GABRB1: variants seen among roughly 807,000 people sequenced by gnomAD.
GABRB1 encodes the protein gamma-aminobutyric acid receptor subunit beta-1.
A neutral mutation model predicts 51.6 loss-of-function variants in GABRB1; 17 were observed. That is an observed-to-expected ratio of 0.33 (90% CI 0.23 to 0.49). The LOEUF (loss-of-function observed/expected upper bound fraction) is 0.49. GABRB1 is among the 20% of genes least tolerant of loss of function. The pLI is 0.99. For synonymous variants in GABRB1, 247 were observed against 218.9 expected, an observed-to-expected ratio of 1.13 and a Z score of -1.14; for missense variants, 410 against 600.6, an observed-to-expected ratio of 0.68 and a Z score of 3.32.
At chr4:47,268,467 GT>G (rs928199093) in intron 4 of GABRB1, among the ~76,000 whole-genome samples, 5 of 152,018 alleles carry the variant, frequency 3.3e-5, no homozygotes, top group African/African-American at 1.2e-4. Context: ...AAATCTTTTA[GT>G]TTTTTTCCTA....
upstream of GABRB1, among the ~76,000 whole-genome samples, chr4:47,027,615 A>G (rs1043602024): frequency 6.6e-6 from 1 of 151,646 alleles, no homozygotes; most frequent in African/African-American, 2.4e-5. Flanking sequence ...AAGTGGTGCC[A>G]TTCCTATTAA....
intron 3 of GABRB1, among the ~76,000 whole-genome samples, chr4:47,041,863 C>A (rs1577852128): frequency 6.6e-6 from 1 of 152,092 alleles, no homozygotes; most frequent in African/African-American, 2.4e-5. Flanking sequence ...CACCTGCAAA[C>A]CCTCTCCCAC....
chr4:47,335,206 C>T (rs1725651517), intron 5 of GABRB1, among the ~76,000 whole-genome samples: 1 of 152,094 alleles, frequency 6.6e-6, no homozygotes, highest in Admixed American at 6.6e-5. Context: ...TTCCTCCATC[C>T]TGTCTGCAGT....
intron 4 of GABRB1, among the ~76,000 whole-genome samples, chr4:47,278,707 A>G (rs892843023): frequency 6.6e-6 from 1 of 152,076 alleles, no homozygotes; most frequent in African/African-American, 2.4e-5. Context: ...ACTGGAAAAT[A>G]TTTCTTTTCT....
intron 4 of GABRB1, among the ~76,000 whole-genome samples, chr4:47,298,078 A>G (rs1015603193): frequency 4.6e-5 from 7 of 152,202 alleles, no homozygotes; most frequent in African/African-American, 1.7e-4. Flanking sequence ...TTAGGTATTG[A>G]TGGGACGTAT....
chr4:47,237,647 C>T (rs1321671415), intron 4 of GABRB1, among the ~76,000 whole-genome samples: 1 of 151,974 alleles, frequency 6.6e-6, no homozygotes, highest in Non-Finnish European at 1.5e-5. Context: ...AATCTAAACA[C>T]CTTTACCTTT....
At chr4:47,138,918 TGAC>T (rs1177823646) in intron 3 of GABRB1, among the ~76,000 whole-genome samples, 1 of 152,074 alleles carries the variant, frequency 6.6e-6, no homozygotes, top group East Asian at 1.9e-4. Context: ...GTTTAAAGCC[TGAC>T]TAATTCACCC....
chr4:47,012,957 A>T (rs992151384), intron 1 of GABRB1, among the ~76,000 whole-genome samples: 1 of 152,232 alleles, frequency 6.6e-6, no homozygotes, highest in Non-Finnish European at 1.5e-5. Flanking sequence ...TGCCACAAAA[A>T]TATAGTTGTA....
chr4:47,260,275 T>C (rs1003988936), intron 4 of GABRB1, among the ~76,000 whole-genome samples: 2 of 151,990 alleles, frequency 1.3e-5, no homozygotes, highest in Non-Finnish European at 2.9e-5. Flanking sequence ...CTTGACTCTT[T>C]ATCCAATTTG....
At chr4:47,099,984 T>C (rs1381694320) in intron 3 of GABRB1, among the ~76,000 whole-genome samples, 2 of 151,990 alleles carry the variant, frequency 1.3e-5, no homozygotes, top group Non-Finnish European at 2.9e-5. Context: ...GGAAACTACA[T>C]TCAGAGATTA....
intron 4 of GABRB1, among the ~76,000 whole-genome samples, chr4:47,239,173 A>G (rs777014937): frequency 6.6e-6 from 1 of 152,208 alleles, no homozygotes; most frequent in Non-Finnish European, 1.5e-5. Context: ...CACCCATGTA[A>G]CTATCTCAAT....
At position 47,236,929 on chromosome 4, in the gene GABRB1, C is replaced by T. The variant is rs542058829; in HGVS notation, c.461+75460C>T. 2.2e-3 allele frequency among the ~76,000 whole-genome samples: 329 copies of T among 151,996 alleles called. 2 individuals are homozygous for T. Among genetic ancestry groups the T allele is most frequent in the African/African-American group, 7.5e-3 (312 of 41,476 alleles). Reference sequence around the variant, plus strand: ...GGATTTTAATGCATCACTATAAAAGCGGACGTAAGAAATTTCAGAAAACAA... The same window carrying T: ...GGATTTTAATGCATCACTATAAAAGTGGACGTAAGAAATTTCAGAAAACAA... On this transcript the variant is annotated intron_variant, in intron 4 of 8. Transcript: ENST00000295454.
At chr4:47,350,603 A>G (rs535365124) in intron 5 of GABRB1, among the ~76,000 whole-genome samples, 2 of 152,212 alleles carry the variant, frequency 1.3e-5, no homozygotes, top group Admixed American at 6.5e-5. Context: ...TTACATAATT[A>G]TATAATATTA....
chr4:47,323,064 C>T (rs1024126992), intron 5 of GABRB1, among the ~76,000 whole-genome samples: 3 of 152,146 alleles, frequency 2.0e-5, no homozygotes, highest in Admixed American at 1.3e-4. Context: ...GAAATGCTGA[C>T]TCAACCAAAG....
At chr4:47,136,894 A>G (rs1172833229) in intron 3 of GABRB1, among the ~76,000 whole-genome samples, 1 of 152,136 alleles carries the variant, frequency 6.6e-6, no homozygotes, top group East Asian at 1.9e-4. Context: ...CTTACTAAGA[A>G]CAATATCATT....
chr4:47,368,833 C>T (rs1261425628), intron 5 of GABRB1, among the ~76,000 whole-genome samples: 1 of 152,054 alleles, frequency 6.6e-6, no homozygotes, highest in African/African-American at 2.4e-5. Flanking sequence ...CTTGGCCAGG[C>T]ATGGTGGCTC....
chr4:47,367,114 C>A (rs561367442), intron 5 of GABRB1, among the ~76,000 whole-genome samples: 1 of 152,264 alleles, frequency 6.6e-6, no homozygotes, highest in South Asian at 2.1e-4. Context: ...TTATCCTCCT[C>A]TCTGCTTATC....
At chr4:47,040,431 T>G (rs1725789721) in intron 3 of GABRB1, among the ~76,000 whole-genome samples, 1 of 152,100 alleles carries the variant, frequency 6.6e-6, no homozygotes, top group South Asian at 2.1e-4. Flanking sequence ...CAGAGGAATT[T>G]AGTGACTCTT....
intron 3 of GABRB1, among the ~76,000 whole-genome samples, chr4:47,058,673 T>C (rs939066397): frequency 1.2e-4 from 18 of 152,170 alleles, no homozygotes; most frequent in African/African-American, 4.3e-4. Flanking sequence ...CTTGCTTCCA[T>C]AGGGGATATT....
Sources: allele counts gnomAD v4.1 joint callset (sites outside exome capture counted in the v4.1 genomes callset), GRCh38; gene constraint gnomAD v4.1.1; transcripts MANE v1.5; gene names NCBI Gene and HGNC (gene_info 2026-07-23, HGNC 2026-07-21).